PLCE1: variants seen among roughly 807,000 people sequenced by gnomAD.
PLCE1 encodes the protein phospholipase C epsilon 1, also known as 1-phosphatidylinositol 4,5-bisphosphate phosphodiesterase epsilon-1.
Under a neutral mutation model 242.8 loss-of-function variants are expected in PLCE1, and 119 were observed. The ratio of observed to expected loss-of-function variants is 0.49; its 90% CI spans 0.42 to 0.57. PLCE1 has a LOEUF of 0.57. Ranked by LOEUF, PLCE1 falls within the 20% of genes least tolerant of loss-of-function variation. The pLI is 0.00. For missense variants in PLCE1, 2,441 were observed against 2,788.8 expected (o/e 0.88, Z 2.81); for synonymous variants, 945 against 1,017.4 (o/e 0.93, Z 1.35).
chr10:94,095,822 G>T (rs920064991), intron 2 of PLCE1, among the ~76,000 whole-genome samples: 6 of 152,152 alleles, frequency 3.9e-5, no homozygotes, highest in Admixed American at 3.3e-4. Flanking sequence ...GTACAGGTGG[G>T]ATTTGAGCCC....
chr10:94,291,662 C>A (rs574879043), intron 22 of PLCE1, among the ~76,000 whole-genome samples: 1 of 151,986 alleles, frequency 6.6e-6, no homozygotes, highest in Non-Finnish European at 1.5e-5. Context: ...AGCACATCGT[C>A]GGGAGCATGG....
intron 2 of PLCE1, among the ~76,000 whole-genome samples, chr10:94,081,565 A>G (rs188287039): frequency 2.0e-5 from 3 of 152,324 alleles, no homozygotes; most frequent in East Asian, 3.9e-4. Flanking sequence ...TTCCTTTGCT[A>G]TCTTTATACC....
At chr10:94,294,177 C>A (rs902358889) in intron 23 of PLCE1, among the ~76,000 whole-genome samples, 1 of 152,064 alleles carries the variant, frequency 6.6e-6, no homozygotes, top group Non-Finnish European at 1.5e-5. Flanking sequence ...GTTTGCCTCA[C>A]GAGTAAAAAT....
intron 2 of PLCE1, among the ~76,000 whole-genome samples, chr10:94,076,001 G>A (rs2044486727): frequency 6.6e-6 from 1 of 152,152 alleles, no homozygotes; most frequent in Admixed American, 6.5e-5. Flanking sequence ...CTTTACAGGA[G>A]AGGAAATGGC....
At chr10:94,020,656 TA>T (rs1438177884) in intron 1 of PLCE1, among the ~76,000 whole-genome samples, 5 of 152,242 alleles carry the variant, frequency 3.3e-5, no homozygotes, top group Admixed American at 1.3e-4. Flanking sequence ...TGGTGTGAGA[TA>T]GGGGTTGAGG....
chr10:94,319,370 AGGAGACAGATTTGG>A (rs1349131468), intron 29 of PLCE1, among the ~76,000 whole-genome samples: 1 of 152,250 alleles, frequency 6.6e-6, no homozygotes, highest in African/African-American at 2.4e-5. Context: ...GCACTACTAG[AGGAGACAGATTTGG>A]GCTATAAGTA....
intron 14 of PLCE1, among the ~76,000 whole-genome samples, chr10:94,262,941 G>A (rs1564841100): frequency 1.3e-5 from 2 of 150,520 alleles, no homozygotes; most frequent in African/African-American, 2.4e-5. Context: ...GTGTGATCTC[G>A]GCTCACTACA....
intron 3 of PLCE1, among the ~76,000 whole-genome samples, chr10:94,142,468 A>G (rs1212240961): frequency 6.6e-6 from 1 of 152,058 alleles, no homozygotes; most frequent in Non-Finnish European, 1.5e-5. Context: ...GCAGTGCGCT[A>G]TGATCCTGCC....
At chr10:94,081,079 T>C (rs1047911119) in intron 2 of PLCE1, among the ~76,000 whole-genome samples, 7 of 152,228 alleles carry the variant, frequency 4.6e-5, no homozygotes, top group African/African-American at 1.7e-4. Context: ...CTTGTTTTTT[T>C]AAATATTTAA....
Position 94,186,011 on chromosome 10 carries a change from C to T in PLCE1, c.1809+14515C>T, listed in dbSNP as rs547990063. ...ACAAACTCATTGTGAGGATGCGGCTCGATTTGTTTTAACAGTCTTCCTTAA... is the reference window on the plus strand; with the variant it reads ...ACAAACTCATTGTGAGGATGCGGCTTGATTTGTTTTAACAGTCTTCCTTAA... On this transcript the variant is annotated intron_variant, in intron 4 of 32. Coordinates refer to ENST00000371380, the MANE Select transcript of PLCE1 (RefSeq NM_016341.4). Among the ~76,000 whole-genome samples the T allele has an allele frequency of 1.0e-3, 157 of 152,260 alleles. 1 individual carries two copies. Among genetic ancestry groups the T allele is most frequent in the Admixed American group, 3.8e-3 (58 of 15,296 alleles).
intron 2 of PLCE1, among the ~76,000 whole-genome samples, chr10:94,098,924 T>C (rs541552567): frequency 6.6e-6 from 1 of 152,298 alleles, no homozygotes; most frequent in South Asian, 2.1e-4. Flanking sequence ...GCAGCAAGGA[T>C]TTTCTTTACT....
At chr10:94,028,254 G>T (rs2061489878) in intron 1 of PLCE1, among the ~76,000 whole-genome samples, 1 of 152,192 alleles carries the variant, frequency 6.6e-6, no homozygotes, top group Admixed American at 6.5e-5. Context: ...TCATGTGGTT[G>T]CAGTCAAGAT....
Position 94,250,640 on chromosome 10 carries a change from C to G in PLCE1, c.3097-1676C>G, listed in dbSNP as rs2050843935. ...TTAAAGACTAAACAAAGGTATCCTT[C>G]CTTTTCCTGACCTAAACATATTTCT... On this transcript the variant is annotated intron_variant, in intron 8 of 32. Coordinates refer to ENST00000371380, the MANE Select transcript of PLCE1 (RefSeq NM_016341.4). Among the ~76,000 whole-genome samples, 8 of 152,214 alleles carry G rather than the reference C, an allele frequency of 5.3e-5. No homozygotes were observed. In the South Asian group the frequency reaches 1.7e-3, roughly 32 times the overall value.
chr10:94,130,326 G>T (rs948956394), intron 2 of PLCE1, among the ~76,000 whole-genome samples: 1 of 152,152 alleles, frequency 6.6e-6, no homozygotes, highest in Non-Finnish European at 1.5e-5. Context: ...GTGGTCTATA[G>T]TTATACAACC....
At chr10:94,152,297 C>G (rs759249299) in intron 3 of PLCE1, among the ~76,000 whole-genome samples, 1 of 152,184 alleles carries the variant, frequency 6.6e-6, no homozygotes, top group African/African-American at 2.4e-5. Context: ...AGTTCCTATA[C>G]GACCTTGTTT....
In PLCE1 at chr10:94,316,700, A is replaced by G. The variant is rs1460594357; in HGVS notation, c.6286A>G (p.Ser2096Gly). Residue 2096 changes from serine (S) to glycine (G), a missense_variant, in exon 29 of 33, where the codon AGC becomes GGC. Physicochemically the swap from Ser to Gly is moderately conservative, Grantham distance 56 (BLOSUM62 0). Coordinates refer to ENST00000371380, the MANE Select transcript of PLCE1 (RefSeq NM_016341.4). ...AGAGGAGATCATGCAAATTTTAAGC[A>G]GCTGGTTTCCAGAAGAGGGATACAT... The part of the protein sequence containing the change: ...PEEEIMQILS[S>G]WFPEEGYMGR... The G allele has an allele frequency of 6.2e-6, 10 of 1,614,026 alleles. No homozygotes were observed. The highest frequency in any genetic ancestry group is 3.3e-5 in the Admixed American group (2 of 60,006).
At chr10:94,133,246 A>G (rs997702192) in intron 3 of PLCE1, among the ~76,000 whole-genome samples, 4 of 152,192 alleles carry the variant, frequency 2.6e-5, no homozygotes, top group African/African-American at 9.6e-5. Flanking sequence ...CTCCCATCTT[A>G]AAGGACAAGA....
intron 3 of PLCE1, among the ~76,000 whole-genome samples, chr10:94,164,572 T>G (rs1448998132): frequency 6.6e-6 from 1 of 152,204 alleles, no homozygotes; most frequent in Non-Finnish European, 1.5e-5. Context: ...TTCTTTGCCC[T>G]GGGTTTGAAC....
intron 2 of PLCE1, among the ~76,000 whole-genome samples, chr10:94,119,333 C>G (rs2135746322): frequency 6.6e-6 from 1 of 152,246 alleles, no homozygotes; most frequent in Non-Finnish European, 1.5e-5. Flanking sequence ...TGGATGTCCT[C>G]AGGCATATGA....
Sources: allele counts gnomAD v4.1 joint callset (sites outside exome capture counted in the v4.1 genomes callset), GRCh38; gene constraint gnomAD v4.1.1; transcripts MANE v1.5; gene names NCBI Gene and HGNC (gene_info 2026-07-23, HGNC 2026-07-21).